CSMD1: variants seen among roughly 807,000 people sequenced by gnomAD.
The protein encoded by CSMD1 is CUB and Sushi multiple domains 1.
Under a neutral mutation model 417.5 loss-of-function variants are expected in CSMD1, and 213 were observed. That is an observed-to-expected ratio of 0.51 (90% CI 0.46 to 0.57). The LOEUF (loss-of-function observed/expected upper bound fraction) is 0.57. Among genes scored for constraint, CSMD1 ranks in the 20% least tolerant of loss-of-function variants. The pLI, the probability that CSMD1 is intolerant of heterozygous loss-of-function variation, is 0.00. For synonymous variants in CSMD1, 2,862 were observed against 1,736.8 expected, an observed-to-expected ratio of 1.65 and a Z score of -16.11; for missense variants, 6,923 against 4,529.7, an observed-to-expected ratio of 1.53 and a Z score of -15.17.
Position 3,313,031 on chromosome 8 carries a change from TAGG to T in CSMD1, c.3632-4531_3632-4529del, listed in dbSNP as rs553968050. On this transcript the variant is annotated intron_variant, in intron 23 of 69. Transcript: ENST00000635120. ...ATTGGTAAAATAAGTTGATGTGTAA[TAGG>T]AGAATTCTGAAATGACAACATAAAA... Among the ~76,000 whole-genome samples, 506 of 152,290 alleles carry T rather than the reference TAGG, an allele frequency of 3.3e-3. 4 individuals are homozygous for T. Among genetic ancestry groups the T allele is most frequent in the African/African-American group, 0.011 (468 of 41,560 alleles).
At chr8:3,876,277 C>T (rs1805810999) in intron 5 of CSMD1, among the ~76,000 whole-genome samples, 1 of 152,128 alleles carries the variant, frequency 6.6e-6, no homozygotes, top group Non-Finnish European at 1.5e-5. Context: ...GTTTTATTTA[C>T]CTTAGAAGTT....
chr8:3,309,968 G>C (rs915259634), intron 23 of CSMD1, among the ~76,000 whole-genome samples: 1 of 152,102 alleles, frequency 6.6e-6, no homozygotes, highest in Non-Finnish European at 1.5e-5. Flanking sequence ...TACCAACCAT[G>C]ACATTATTAT....
chr8:3,213,747 A>G (rs1013642963), intron 30 of CSMD1, among the ~76,000 whole-genome samples: 3 of 150,722 alleles, frequency 2.0e-5, no homozygotes, highest in South Asian at 2.1e-4. Context: ...GTAAAAATAT[A>G]TGTGTGTGTA....
intron 5 of CSMD1, among the ~76,000 whole-genome samples, chr8:3,797,717 C>T (rs2129071003): frequency 6.6e-6 from 1 of 152,028 alleles, no homozygotes; most frequent in East Asian, 1.9e-4. Context: ...AACAAAGCTG[C>T]TATACATATT....
chr8:4,902,872 C>A (rs1206986311), intron 1 of CSMD1, among the ~76,000 whole-genome samples: 2 of 151,670 alleles, frequency 1.3e-5, no homozygotes, highest in Admixed American at 1.3e-4. Flanking sequence ...TTTTTCTATA[C>A]ATACATATGT....
At chr8:4,135,374 GT>G (rs777024971) in intron 3 of CSMD1, among the ~76,000 whole-genome samples, 5,111 of 34,038 alleles carry the variant, frequency 0.15, 333 homozygotes, top group African/African-American at 0.32. Flanking sequence ...GAAGGGGAAA[GT>G]GGGAAAGAGG....
At chr8:4,067,482 A>AGT (rs201913900) in intron 3 of CSMD1, among the ~76,000 whole-genome samples, 59 of 151,370 alleles carry the variant, frequency 3.9e-4, no homozygotes, top group African/African-American at 1.3e-3. Flanking sequence ...GAAATAAATT[A>AGT]CTTTTTTTTT....
chr8:3,071,311 T>C (rs1031229485), intron 49 of CSMD1, among the ~76,000 whole-genome samples: 4 of 151,978 alleles, frequency 2.6e-5, no homozygotes, highest in Admixed American at 2.0e-4. Flanking sequence ...TGAGAACACA[T>C]GGACACAGGG....
At position 3,659,451 on chromosome 8, in the gene CSMD1, T is replaced by C. The variant is rs1260300266; in HGVS notation, c.1010-42654A>G. Among the ~76,000 whole-genome samples the C allele has an allele frequency of 2.6e-5, 4 of 152,186 alleles. No individual in the cohort carries two copies. In the East Asian group the frequency reaches 5.8e-4, roughly 22 times the overall value. ...ATAATTATCTGAGACACTACTTAGT[T>C]TTCAAATCTCCGAAACACAGAAGCA... On this transcript the variant is annotated intron_variant, in intron 7 of 69. Coordinates refer to ENST00000635120, the MANE Select transcript of CSMD1 (RefSeq NM_033225.6).
chr8:4,275,445 C>A (rs150457556), intron 3 of CSMD1, among the ~76,000 whole-genome samples: 65 of 151,974 alleles, frequency 4.3e-4, no homozygotes, highest in African/African-American at 1.5e-3. Context: ...GATACTATGG[C>A]CTTTATTTAA....
rs142870516 is a variant in CSMD1, at chr8:4,126,805, C to A, written c.416-94706G>T. Among the ~76,000 whole-genome samples the A allele has an allele frequency of 2.8e-3, 432 of 152,238 alleles. 5 individuals carry two copies. Among genetic ancestry groups the A allele is most frequent in the African/African-American group, 9.6e-3 (400 of 41,538 alleles). On this transcript the variant is annotated intron_variant, in intron 3 of 69. Coordinates refer to ENST00000635120, the MANE Select transcript of CSMD1 (RefSeq NM_033225.6). Reference sequence around the variant, plus strand: ...GCAACACTTCATTCTGGAGATGTGTCCTAACCTGGGGTAGGAGATGTCCAG... The same window carrying A: ...GCAACACTTCATTCTGGAGATGTGTACTAACCTGGGGTAGGAGATGTCCAG...
At chr8:4,118,745 T>C (rs1282982272) in intron 3 of CSMD1, among the ~76,000 whole-genome samples, 2 of 152,224 alleles carry the variant, frequency 1.3e-5, no homozygotes, top group Non-Finnish European at 2.9e-5. Context: ...TTACTGGGTA[T>C]ATGCCCAAAG....
chr8:3,460,681 G>C (rs762521505), intron 12 of CSMD1, among the ~76,000 whole-genome samples: 2 of 152,158 alleles, frequency 1.3e-5, no homozygotes, highest in African/African-American at 2.4e-5. Context: ...GAGAAAAAGA[G>C]AACAGGATCA....
chr8:4,608,669 C>T (rs1346477584), intron 2 of CSMD1, among the ~76,000 whole-genome samples: 1 of 152,166 alleles, frequency 6.6e-6, no homozygotes, highest in African/African-American at 2.4e-5. Flanking sequence ...AAGCAATGTC[C>T]TAAAGTCCTC....
At chr8:4,778,438 G>C (rs28556783) in intron 1 of CSMD1, among the ~76,000 whole-genome samples, 12,454 of 152,080 alleles carry the variant, frequency 0.082, 641 homozygotes, top group East Asian at 0.26. Context: ...GAAGTACCTG[G>C]ACTTTTTCCA....
intron 26 of CSMD1, among the ~76,000 whole-genome samples, chr8:3,245,600 C>A (rs960640168): frequency 6.6e-6 from 1 of 152,208 alleles, no homozygotes; most frequent in African/African-American, 2.4e-5. Flanking sequence ...ATGCCTACCC[C>A]TTCCAGGAAA....
chr8:4,390,987 T>C (rs1171758090), intron 3 of CSMD1, among the ~76,000 whole-genome samples: 1 of 152,162 alleles, frequency 6.6e-6, no homozygotes, highest in Non-Finnish European at 1.5e-5. Context: ...CTTTCTACCA[T>C]ATGTGTGTTT....
intron 12 of CSMD1, among the ~76,000 whole-genome samples, chr8:3,435,970 G>C (rs180875342): frequency 6.6e-6 from 1 of 152,230 alleles, no homozygotes; most frequent in African/African-American, 2.4e-5. Context: ...ATTTCACTTT[G>C]CAACTTTGTA....
At chr8:3,984,706 TATATATATATATATATATA>T (rs1178552535) in intron 5 of CSMD1, among the ~76,000 whole-genome samples, 1 of 47,278 alleles carries the variant, frequency 2.1e-5, no homozygotes, top group South Asian at 1.1e-3. Flanking sequence ...GTATATATCA[TATATATATATATATATATA>T]TATATATATA....
Sources: gnomAD v4.1 joint callset for allele counts (sites outside exome capture counted in the v4.1 genomes callset) on GRCh38, gnomAD v4.1.1 for gene constraint, MANE v1.5 for transcripts, NCBI Gene and HGNC (gene_info 2026-07-23, HGNC 2026-07-21) for gene names.